Variants in SLC4A10 observed in about 807,000 individuals in gnomAD.
The protein encoded by SLC4A10 is solute carrier family 4 member 10.
SLC4A10 carries 42 observed loss-of-function variants against 137.7 expected under a neutral mutation model. The ratio of observed to expected loss-of-function variants is 0.30; its 90% CI spans 0.24 to 0.39. SLC4A10 has a LOEUF of 0.39. Ranked by LOEUF, SLC4A10 falls within the 10% of genes least tolerant of loss-of-function variation. SLC4A10 has a pLI of 1.00. For synonymous variants in SLC4A10, 474 were observed against 464.1 expected, an observed-to-expected ratio of 1.02 and a Z score of -0.27; for missense variants, 925 against 1,355.0, an observed-to-expected ratio of 0.68 and a Z score of 4.98.
intron 4 of SLC4A10, among the ~76,000 whole-genome samples, chr2:161,845,111 T>A (rs957885842): frequency 6.6e-6 from 1 of 152,142 alleles, no homozygotes; most frequent in African/African-American, 2.4e-5. Context: ...ATTTTGCAAC[T>A]GACAGTATAT....
At chr2:161,644,532 G>A (rs1210919122) in intron 1 of SLC4A10, among the ~76,000 whole-genome samples, 1 of 151,890 alleles carries the variant, frequency 6.6e-6, no homozygotes, top group African/African-American at 2.4e-5. Flanking sequence ...TTCACATCGT[G>A]GTGAAGTCTT....
At position 161,962,733 on chromosome 2, in the gene SLC4A10, A is replaced by G. The variant is rs180719461; in HGVS notation, c.2863-1402A>G. Among the ~76,000 whole-genome samples, 23 of 152,260 alleles carry G rather than the reference A, an allele frequency of 1.5e-4. No homozygotes were observed. In the East Asian group the frequency reaches 4.4e-3, roughly 29 times the overall value. Reference sequence around the variant, plus strand: ...TGATTCTTATTTAGATAACTGAGGAAAGGAAGGCCATGTCATGCCATAAGA... The same window carrying G: ...TGATTCTTATTTAGATAACTGAGGAGAGGAAGGCCATGTCATGCCATAAGA... On this transcript the variant is annotated intron_variant, in intron 21 of 26. Coordinates refer to ENST00000446997, the MANE Select transcript of SLC4A10 (RefSeq NM_001178015.2).
At chr2:161,838,356 G>A (rs1226357295) in intron 3 of SLC4A10, among the ~76,000 whole-genome samples, 1 of 151,926 alleles carries the variant, frequency 6.6e-6, no homozygotes, top group Non-Finnish European at 1.5e-5. Context: ...GCTTCAAGAT[G>A]TAAAATATAA....
At chr2:161,838,408 G>T (rs1274927984) in intron 3 of SLC4A10, among the ~76,000 whole-genome samples, 1 of 152,032 alleles carries the variant, frequency 6.6e-6, no homozygotes, top group Admixed American at 6.5e-5. Context: ...AAATCTTTGT[G>T]ACCTTTAGGC....
intron 26 of SLC4A10, among the ~76,000 whole-genome samples, chr2:161,978,401 AG>A (rs1432451059): frequency 1.6e-4 from 20 of 123,280 alleles, no homozygotes; most frequent in African/African-American, 3.7e-4. Flanking sequence ...AAAAAAAAAA[AG>A]AAAAGAAAAA....
At chr2:161,771,618 C>A (rs943107793) in intron 2 of SLC4A10, among the ~76,000 whole-genome samples, 1 of 151,810 alleles carries the variant, frequency 6.6e-6, no homozygotes, top group Non-Finnish European at 1.5e-5. Flanking sequence ...CAGTTACTTA[C>A]CTTTTCTGAA....
At chr2:161,834,382 G>T (rs530709718) in intron 3 of SLC4A10, among the ~76,000 whole-genome samples, 19 of 152,094 alleles carry the variant, frequency 1.2e-4, no homozygotes, top group Admixed American at 1.2e-3. Context: ...ATAGAGGATG[G>T]TTAGAAAAAA....
chr2:161,649,106 C>T (rs1404875494), intron 1 of SLC4A10, among the ~76,000 whole-genome samples: 10 of 152,156 alleles, frequency 6.6e-5, no homozygotes, highest in South Asian at 2.1e-4. Flanking sequence ...CAGTGGCTCA[C>T]GCCTGTAATC....
chr2:161,814,357 A>G (rs1326492611), intron 3 of SLC4A10, among the ~76,000 whole-genome samples: 1 of 152,216 alleles, frequency 6.6e-6, no homozygotes, highest in Non-Finnish European at 1.5e-5. Flanking sequence ...GCCACTGTGG[A>G]AAGCAGTTTG....
At position 161,861,909 on chromosome 2, in the gene SLC4A10, G is replaced by A. The variant is rs78938959; in HGVS notation, c.578-965G>A. ...GAAGGAAAACATTGTTGGTAAGGGA[G>A]CATTCTGCTAACTTTGAAACCTTTA... is the stretch of plus-strand genomic sequence containing the variant. On this transcript the variant is annotated intron_variant, in intron 5 of 26. Coordinates refer to ENST00000446997, the MANE Select transcript of SLC4A10 (RefSeq NM_001178015.2). Among the ~76,000 whole-genome samples, 863 of 152,250 alleles carry A rather than the reference G, an allele frequency of 5.7e-3. 9 individuals are homozygous for A. The highest frequency in any genetic ancestry group is 0.02 in the African/African-American group (827 of 41,540).
intron 1 of SLC4A10, among the ~76,000 whole-genome samples, chr2:161,712,985 A>G (rs1386538391): frequency 1.3e-5 from 2 of 151,934 alleles, no homozygotes; most frequent in Non-Finnish European, 2.9e-5. Context: ...GGTTGTAACT[A>G]CAAAATACAA....
intron 15 of SLC4A10, among the ~76,000 whole-genome samples, chr2:161,922,531 G>T (rs1338763480): frequency 6.6e-6 from 1 of 151,974 alleles, no homozygotes; most frequent in Non-Finnish European, 1.5e-5. Context: ...ACAAATAATG[G>T]TTCTGAAGGG....
At chr2:161,746,667 C>A (rs1388893295) in intron 1 of SLC4A10, among the ~76,000 whole-genome samples, 1 of 152,090 alleles carries the variant, frequency 6.6e-6, no homozygotes, top group African/African-American at 2.4e-5. Context: ...TCCCTGTTGC[C>A]ACCACAGCTG....
intron 1 of SLC4A10, among the ~76,000 whole-genome samples, chr2:161,739,222 C>T (rs2047642475): frequency 6.6e-6 from 1 of 152,132 alleles, no homozygotes; most frequent in Admixed American, 6.6e-5. Context: ...CTTCGCTACC[C>T]TCTTTTATCC....
chr2:161,887,499 G>A (rs557209988), intron 10 of SLC4A10, among the ~76,000 whole-genome samples: 199 of 152,096 alleles, frequency 1.3e-3, no homozygotes, highest in Admixed American at 2.9e-3. Flanking sequence ...AATGATTGCC[G>A]TTGTCACTGG....
intron 26 of SLC4A10, among the ~76,000 whole-genome samples, chr2:161,978,030 A>G (rs1337842962): frequency 6.6e-6 from 1 of 152,126 alleles, no homozygotes; most frequent in Non-Finnish European, 1.5e-5. Context: ...GTTTCACAGA[A>G]CTGTAGTTAG....
intron 1 of SLC4A10, among the ~76,000 whole-genome samples, chr2:161,697,173 T>C (rs956469415): frequency 1.3e-5 from 2 of 151,326 alleles, no homozygotes; most frequent in African/African-American, 4.9e-5. Flanking sequence ...TTCTTGTAAA[T>C]TGGTTTGAAT....
At chr2:161,787,972 C>G (rs953976407) in intron 2 of SLC4A10, among the ~76,000 whole-genome samples, 4 of 152,140 alleles carry the variant, frequency 2.6e-5, no homozygotes, top group Non-Finnish European at 5.9e-5. Flanking sequence ...TTAAAACACT[C>G]TGTCTTTTTG....
At chr2:161,863,159 A>AT in intron 6 of SLC4A10, 97 bp downstream of exon 6, 1 of 1,125,786 alleles carries the variant, frequency 8.9e-7, no homozygotes, top group Non-Finnish European at 1.2e-6. Flanking sequence ...TTTGAAAATG[A>AT]TTTTTTGAAA....
Sources: allele counts gnomAD v4.1 joint callset (sites outside exome capture counted in the v4.1 genomes callset), GRCh38; gene constraint gnomAD v4.1.1; transcripts MANE v1.5; gene names NCBI Gene and HGNC (gene_info 2026-07-23, HGNC 2026-07-21).